The following FOXK1 variants were observed in gnomAD, a reference collection of about 807,000 sequenced individuals.
The protein encoded by FOXK1 is forkhead box protein K1.
In FOXK1, 19 loss-of-function variants were observed where a neutral mutation model predicts 51.9. The observed-to-expected ratio is 0.37, with a 90% CI of 0.26 to 0.54. The LOEUF is 0.54. Ranked by LOEUF, FOXK1 falls within the 20% of genes least tolerant of loss-of-function variation. The pLI, the probability that FOXK1 is intolerant of heterozygous loss-of-function variation, is 0.87. For missense variants in FOXK1, 870 were observed against 1,032.7 expected (o/e 0.84, Z 2.16); for synonymous variants, 537 against 482.6 (o/e 1.11, Z -1.48).
chr7:4,726,689 C>G (rs188918628), intron 1 of FOXK1, among the ~76,000 whole-genome samples: 2 of 152,200 alleles, frequency 1.3e-5, no homozygotes, highest in Admixed American at 6.5e-5. Flanking sequence ...CGGGAGCTCA[C>G]TCCTGCCATG....
chr7:4,727,213 A>C (rs902845316), intron 1 of FOXK1, among the ~76,000 whole-genome samples: 48 of 152,200 alleles, frequency 3.2e-4, no homozygotes, highest in African/African-American at 1.1e-3. Flanking sequence ...TGGCCTCTCA[A>C]AGTGTTGGGA....
intron 2 of FOXK1, among the ~76,000 whole-genome samples, chr7:4,751,898 C>G (rs954427444): frequency 2.6e-5 from 4 of 152,264 alleles, no homozygotes; most frequent in Non-Finnish European, 4.4e-5. Flanking sequence ...CTTATTTCCA[C>G]TTGAAATCAT....
Position 4,707,660 on chromosome 7 carries a change from C to G in FOXK1, c.560+24792C>G, listed in dbSNP as rs969551242. ...TCCCCGGTGCCATTCGTATCTGATTCATGCGTGTGCGACCAGTACTCCATT... is the reference window on the plus strand; with the variant it reads ...TCCCCGGTGCCATTCGTATCTGATTGATGCGTGTGCGACCAGTACTCCATT... On this transcript the variant is annotated intron_variant, in intron 1 of 8. Coordinates refer to ENST00000328914, the MANE Select transcript of FOXK1 (RefSeq NM_001037165.2). This position sits in a 1 kb window ranked among gnomAD's most constrained non-coding sequence, Gnocchi z 4.1. Among the ~76,000 whole-genome samples, 1 of 151,516 alleles carries G rather than the reference C, an allele frequency of 6.6e-6. No individual in the cohort carries two copies. Among genetic ancestry groups the G allele is most frequent in the Non-Finnish European group, 1.5e-5 (1 of 67,994 alleles).
chr7:4,745,650 T>C lies in FOXK1; in HGVS notation c.746+4627T>C, dbSNP rs904394474. On this transcript the variant is annotated intron_variant, in intron 2 of 8. Coordinates refer to ENST00000328914, the MANE Select transcript of FOXK1 (RefSeq NM_001037165.2). This position sits in a 1 kb window ranked among gnomAD's most constrained non-coding sequence, Gnocchi z 4.3. Reference sequence around the variant, plus strand: ...GGCGCCCGGTGGCTCAGGCCTGTAATCCCAGCACTTTGGGAGGCTGAGGCA... The same window carrying C: ...GGCGCCCGGTGGCTCAGGCCTGTAACCCCAGCACTTTGGGAGGCTGAGGCA... Among the ~76,000 whole-genome samples, 2 of 152,182 alleles carry C rather than the reference T, an allele frequency of 1.3e-5. No individual in the cohort carries two copies. The highest frequency in any genetic ancestry group is 4.8e-5 in the African/African-American group (2 of 41,444).
chr7:4,697,686 A>G (rs928960244), intron 1 of FOXK1, among the ~76,000 whole-genome samples: 1 of 149,506 alleles, frequency 6.7e-6, no homozygotes, highest in African/African-American at 2.5e-5. Context: ...TATGAATAGG[A>G]TCTTTTTTTC....
intron 1 of FOXK1, among the ~76,000 whole-genome samples, chr7:4,693,890 G>C (rs1779922048): frequency 3.3e-5 from 5 of 151,764 alleles, no homozygotes. Flanking sequence ...AATAACAAAA[G>C]TTTTTTTTCT....
chr7:4,685,514 G>A (rs1184467651), intron 1 of FOXK1, among the ~76,000 whole-genome samples: 2 of 149,338 alleles, frequency 1.3e-5, no homozygotes, highest in Admixed American at 6.7e-5. Context: ...GAGCCCCTGC[G>A]CCCGGCCTCA....
Position 4,683,761 on chromosome 7 carries a change from C to T in FOXK1, c.560+893C>T, listed in dbSNP as rs916811346. Among the ~76,000 whole-genome samples the T allele has an allele frequency of 3.9e-5, 6 of 152,330 alleles. No homozygotes were observed. The highest frequency in any genetic ancestry group is 1.4e-4 in the African/African-American group (6 of 41,588). On this transcript the variant is annotated intron_variant, in intron 1 of 8. Transcript: ENST00000328914. The surrounding 1 kb of genome is among the most constrained non-coding windows in gnomAD (Gnocchi z 4.5). The stretch of plus-strand genomic sequence containing the variant: ...ACCCTTGGGCCACCCCCACCCCATC[C>T]AGTCTGGGTCCTGGGGGACCCCAAC...
At position 4,754,371 on chromosome 7, in the gene FOXK1, C is replaced by T; in HGVS notation, c.747-88C>T. 3.4e-6 allele frequency: 5 copies of T among 1,462,968 alleles called. No homozygotes were observed. In the South Asian group the frequency reaches 6.0e-5, roughly 18 times the overall value. 90.6% of individuals were successfully genotyped at this position (1,462,968 alleles called of 1,614,324 possible). A position where few individuals can be genotyped will look rare whatever the true frequency, so the allele number is the denominator to read the frequency against. On this transcript the variant is annotated intron_variant, in intron 2 of 8. Transcript: ENST00000328914. ...AGTGTGAGCTTCTTCCCCACAGCCC[C>T]ACCCTCTGGGTAGGTCCTGAAGCCC...
intron 1 of FOXK1, among the ~76,000 whole-genome samples, chr7:4,728,934 G>A (rs777409888): frequency 1.3e-5 from 2 of 152,060 alleles, no homozygotes; most frequent in Non-Finnish European, 2.9e-5. Flanking sequence ...ATGACTACGT[G>A]GAATTACTGT....
intron 1 of FOXK1, among the ~76,000 whole-genome samples, chr7:4,726,418 G>A (rs773143713): frequency 7.9e-5 from 12 of 152,072 alleles, no homozygotes; most frequent in Non-Finnish European, 1.6e-4. Flanking sequence ...TCAGGAGTTC[G>A]AGACCAGCCT....
rs1349610590 is a variant in FOXK1, at chr7:4,731,615, C to T, written c.561-9223C>T. 6.6e-6 allele frequency among the ~76,000 whole-genome samples: 1 copy of T among 152,018 alleles called. No homozygotes were observed. Among genetic ancestry groups the T allele is most frequent in the Non-Finnish European group, 1.5e-5 (1 of 68,002 alleles). On this transcript the variant is annotated intron_variant, in intron 1 of 8. Transcript: ENST00000328914. The surrounding 1 kb of genome is among the most constrained non-coding windows in gnomAD (Gnocchi z 5.3). ...TCTCTACTAAAAATACAAAAATTAG[C>T]CGGGCATGGTGGTGGGCACCTGTAA...
Position 4,761,231 on chromosome 7 carries a change from G to T in FOXK1, c.1864G>T (p.Val622Leu), listed in dbSNP as rs367809501. 1.2e-6 allele frequency: 2 copies of T among 1,613,148 alleles called. No individual in the cohort carries two copies. Among genetic ancestry groups the T allele is most frequent in the South Asian group, 2.2e-5 (2 of 91,088 alleles). The part of the protein sequence containing the change: ...LGQHHLPVRA[V>L]TQNGKHAVPT... ...GCAGCACCACCTTCCAGTCCGGGCC[G>T]TGACCCAGAACGGAAAGCATGCGGT... Residue 622 changes from valine (V) to leucine (L), a missense_variant, in exon 8 of 9, where the codon GTG becomes TTG. Physicochemically the swap from Val to Leu is conservative, Grantham distance 32. Transcript: ENST00000328914. The surrounding 1 kb of genome is among the most constrained non-coding windows in gnomAD (Gnocchi z 6.2).
Position 4,747,238 on chromosome 7 carries a change from G to C in FOXK1, c.746+6215G>C, listed in dbSNP as rs770351437. On this transcript the variant is annotated intron_variant, in intron 2 of 8. Coordinates refer to ENST00000328914, the MANE Select transcript of FOXK1 (RefSeq NM_001037165.2). The surrounding 1 kb of genome is among the most constrained non-coding windows in gnomAD (Gnocchi z 9.2). ...TAGGCCTGTTGCATGGCTTCTGTGC[G>C]GGCATGTTACGCACGAGGACAGCCC... Among the ~76,000 whole-genome samples the C allele has an allele frequency of 6.6e-6, 1 of 152,128 alleles. No individual in the cohort carries two copies. Among genetic ancestry groups the C allele is most frequent in the African/African-American group, 2.4e-5 (1 of 41,446 alleles).
intron 1 of FOXK1, among the ~76,000 whole-genome samples, chr7:4,714,014 C>T (rs1018452284): frequency 7.3e-5 from 11 of 151,650 alleles, no homozygotes; most frequent in Non-Finnish European, 1.2e-4. Context: ...TTAGTAGAGA[C>T]GAGGTTTCAC....
intron 1 of FOXK1, among the ~76,000 whole-genome samples, chr7:4,693,697 G>A (rs1779920332): frequency 6.6e-6 from 1 of 152,040 alleles, no homozygotes. Context: ...GGTGTCCCAG[G>A]TGAGTCCTGG....
Position 4,761,015 on chromosome 7 carries a change from G to T in FOXK1, c.1697-49G>T. The T allele has an allele frequency of 6.4e-7, 1 of 1,561,350 alleles. No individual in the cohort carries two copies. Among genetic ancestry groups the T allele is most frequent in the South Asian group, 1.1e-5 (1 of 89,766 alleles). On this transcript the variant is annotated intron_variant, in intron 7 of 8. Transcript: ENST00000328914. The surrounding 1 kb of genome is among the most constrained non-coding windows in gnomAD (Gnocchi z 6.2). ...CTGCTGCCCAGGCGTCGAGGAAATCGATTGTCTCGTTGGCCGAGTGTGGTG... is the reference window on the plus strand; with the variant it reads ...CTGCTGCCCAGGCGTCGAGGAAATCTATTGTCTCGTTGGCCGAGTGTGGTG...
intron 5 of FOXK1, 48 bp from the exon 6 acceptor site, chr7:4,759,003 A>G: frequency 1.3e-6 from 2 of 1,523,138 alleles, no homozygotes; most frequent in Non-Finnish European, 1.8e-6. Flanking sequence ...ACGTCCTCGC[A>G]TCCCTCAGCG....
intron 1 of FOXK1, among the ~76,000 whole-genome samples, chr7:4,728,973 G>A (rs1176468487): frequency 6.6e-6 from 1 of 152,154 alleles, no homozygotes; most frequent in Non-Finnish European, 1.5e-5. Flanking sequence ...TGCAGATTAA[G>A]CCATTTTGAC....
Sources: allele counts gnomAD v4.1 joint callset (sites outside exome capture counted in the v4.1 genomes callset), GRCh38; gene constraint gnomAD v4.1.1; non-coding constraint Gnocchi (gnomAD v3.1); transcripts MANE v1.5; gene names NCBI Gene and HGNC (gene_info 2026-07-23, HGNC 2026-07-21).